KCNMA1: variants seen among roughly 807,000 people sequenced by gnomAD.
KCNMA1 encodes potassium calcium-activated channel subfamily M alpha 1.
In KCNMA1, 29 loss-of-function variants were observed where a neutral mutation model predicts 140.0. The ratio of observed to expected loss-of-function variants is 0.21; its 90% CI spans 0.15 to 0.28. KCNMA1 has a LOEUF of 0.28. Ranked by LOEUF, KCNMA1 falls within the 10% of genes least tolerant of loss-of-function variation. The probability of loss-of-function intolerance (pLI) is 1.00; values close to 1 mark genes in which losing one functional copy is unlikely to be tolerated. For missense variants in KCNMA1, 880 were observed against 1,602.2 expected, an observed-to-expected ratio of 0.55 and a Z score of 7.70; for synonymous variants, 612 against 611.9, an observed-to-expected ratio of 1.00 and a Z score of 0.00.
At chr10:77,163,269 G>A (rs1008710818) in intron 5 of KCNMA1, among the ~76,000 whole-genome samples, 6 of 152,092 alleles carry the variant, frequency 3.9e-5, no homozygotes, top group Admixed American at 2.0e-4. Context: ...TCAGTGTCCC[G>A]AATACAATTT....
rs538600247 is a variant in KCNMA1 at position 77,190,762 on chromosome 10, C to T, written c.603-5846G>A. 5.8e-4 allele frequency among the ~76,000 whole-genome samples: 89 copies of T among 152,188 alleles called. No individual in the cohort carries two copies. The Middle Eastern group carries it at 0.01, about 17-fold the overall frequency. On this transcript the variant is annotated intron_variant, in intron 3 of 27. Coordinates refer to ENST00000286628, the MANE Select transcript of KCNMA1 (RefSeq NM_001161352.2). Reference sequence around the variant, plus strand: ...TCCCCAGAAGTCCTCTCTGGGACCCCGTGTGGGGTGGTGGTATCAGGAAGA... The same window carrying T: ...TCCCCAGAAGTCCTCTCTGGGACCCTGTGTGGGGTGGTGGTATCAGGAAGA...
chr10:77,239,117 C>T (rs2154220396), intron 3 of KCNMA1, among the ~76,000 whole-genome samples: 1 of 152,282 alleles, frequency 6.6e-6, no homozygotes, highest in South Asian at 2.1e-4. Flanking sequence ...CCTGGAGCAC[C>T]TTTCAATTAT....
At chr10:76,999,867 A>G (rs768080408) in intron 19 of KCNMA1, among the ~76,000 whole-genome samples, 30 of 152,134 alleles carry the variant, frequency 2.0e-4, no homozygotes, top group Non-Finnish European at 4.1e-4. Flanking sequence ...AAGTTTTCCA[A>G]ATGCCTCTAA....
At chr10:77,122,641 G>A (rs1293078780) in intron 5 of KCNMA1, among the ~76,000 whole-genome samples, 1 of 152,016 alleles carries the variant, frequency 6.6e-6, no homozygotes, top group Non-Finnish European at 1.5e-5. Context: ...GTTGGCCAAA[G>A]GGAAGTCAAA....
At chr10:77,098,585 A>AC (rs2097002294) in intron 9 of KCNMA1, among the ~76,000 whole-genome samples, 1 of 151,866 alleles carries the variant, frequency 6.6e-6, no homozygotes. Flanking sequence ...TAAAAAAAAA[A>AC]AACAAAAAAC....
intron 1 of KCNMA1, among the ~76,000 whole-genome samples, chr10:77,412,109 ACCAGAGTAGGGGCTGGGAAGCC>A (rs2096633123): frequency 6.6e-6 from 1 of 152,154 alleles, no homozygotes; most frequent in Non-Finnish European, 1.5e-5. Flanking sequence ...CCCTTTTGGG[ACCAGAGTAGGGGCTGGGAAGCC>A]CCTCTCATCC....
chr10:77,062,490 G>C (rs1333910189), intron 14 of KCNMA1, among the ~76,000 whole-genome samples: 1 of 152,062 alleles, frequency 6.6e-6, no homozygotes, highest in Non-Finnish European at 1.5e-5. Flanking sequence ...CTTTCAAATG[G>C]TTGAGACTAA....
chr10:77,223,310 G>A (rs558663784), intron 3 of KCNMA1, among the ~76,000 whole-genome samples: 2 of 151,884 alleles, frequency 1.3e-5, no homozygotes, highest in Non-Finnish European at 1.5e-5. Context: ...GTGACACACA[G>A]TGTATTGGCT....
At chr10:77,408,584 C>T (rs948378166) in intron 1 of KCNMA1, among the ~76,000 whole-genome samples, 5 of 152,126 alleles carry the variant, frequency 3.3e-5, no homozygotes, top group Admixed American at 2.6e-4. Flanking sequence ...GAGAGAAACC[C>T]CACTGGCTGC....
chr10:77,384,449 T>C (rs1352332203), intron 2 of KCNMA1, among the ~76,000 whole-genome samples: 1 of 152,230 alleles, frequency 6.6e-6, no homozygotes, highest in African/African-American at 2.4e-5. Context: ...TGGAGAGGCA[T>C]TGTTCCTGTA....
intron 5 of KCNMA1, among the ~76,000 whole-genome samples, chr10:77,137,104 G>A (rs1304573909): frequency 1.4e-5 from 2 of 144,546 alleles, no homozygotes; most frequent in African/African-American, 5.2e-5. Flanking sequence ...AGAAATTGAG[G>A]GATAAACAGG....
intron 9 of KCNMA1, among the ~76,000 whole-genome samples, chr10:77,102,066 T>G (rs1419526027): frequency 2.0e-5 from 3 of 152,156 alleles, no homozygotes; most frequent in African/African-American, 7.2e-5. Context: ...GTGGTATAGT[T>G]GGAGATTTTT....
chr10:77,148,972 C>T lies in KCNMA1; in HGVS notation c.809-27924G>A, dbSNP rs572518588. ...AGTTCCTTCTGTTTCCTGCAACACTCACTTTAGAACCTAATATCATGCTAT... is the reference window on the plus strand; with the variant it reads ...AGTTCCTTCTGTTTCCTGCAACACTTACTTTAGAACCTAATATCATGCTAT... On this transcript the variant is annotated intron_variant, in intron 5 of 27. Coordinates refer to ENST00000286628, the MANE Select transcript of KCNMA1 (RefSeq NM_001161352.2). Among the ~76,000 whole-genome samples, 78 of 152,310 alleles carry T rather than the reference C, an allele frequency of 5.1e-4. 1 individual carries two copies. The South Asian group carries it at 0.016, about 31-fold the overall frequency.
chr10:77,054,603 A>G (rs1005353056), intron 14 of KCNMA1, among the ~76,000 whole-genome samples: 1 of 152,258 alleles, frequency 6.6e-6, no homozygotes, highest in Non-Finnish European at 1.5e-5. Flanking sequence ...CCCATCCTCC[A>G]GTGTATACAG....
chr10:76,914,458 T>C, intron 24 of KCNMA1: 1 of 427,902 alleles, frequency 2.3e-6, no homozygotes, highest in Non-Finnish European at 4.2e-6. Context: ...ATACGTTAAA[T>C]GTCAAGTTAT....
At chr10:77,138,911 A>C (rs1415572633) in intron 5 of KCNMA1, among the ~76,000 whole-genome samples, 1 of 152,212 alleles carries the variant, frequency 6.6e-6, no homozygotes, top group Non-Finnish European at 1.5e-5. Context: ...TCTGGAGCCC[A>C]GTCCTTCGCC....
chr10:76,950,076 T>C (rs193100213), intron 21 of KCNMA1, among the ~76,000 whole-genome samples: 11 of 152,330 alleles, frequency 7.2e-5, no homozygotes, highest in Non-Finnish European at 1.0e-4. Flanking sequence ...TAAAGTTGTA[T>C]TGGAATGCAG....
chr10:77,412,064 G>A (rs1566674668), intron 1 of KCNMA1, among the ~76,000 whole-genome samples: 1 of 152,208 alleles, frequency 6.6e-6, no homozygotes, highest in Non-Finnish European at 1.5e-5. Flanking sequence ...CAGGGAACAG[G>A]AGAGATCAGG....
At chr10:77,422,396 A>G (rs1194274694) in intron 1 of KCNMA1, among the ~76,000 whole-genome samples, 1 of 152,242 alleles carries the variant, frequency 6.6e-6, no homozygotes, top group Non-Finnish European at 1.5e-5. Context: ...TTTGAGAAAC[A>G]CTGATCTGCA....
Sources: allele counts gnomAD v4.1 joint callset (sites outside exome capture counted in the v4.1 genomes callset), GRCh38; gene constraint gnomAD v4.1.1; transcripts MANE v1.5; gene names NCBI Gene and HGNC (gene_info 2026-07-23, HGNC 2026-07-21).